The following TNFRSF21 variants were observed in gnomAD, a reference collection of about 807,000 sequenced individuals.
TNFRSF21 encodes tumor necrosis factor receptor superfamily member 21.
In TNFRSF21, 19 loss-of-function variants were observed where a neutral mutation model predicts 45.6. That is an observed-to-expected ratio of 0.42 (90% CI 0.29 to 0.61). TNFRSF21 has a LOEUF of 0.61. Among genes scored for constraint, TNFRSF21 ranks in the 20% least tolerant of loss-of-function variants. The pLI, the probability that TNFRSF21 is intolerant of heterozygous loss-of-function variation, is 0.23. For synonymous variants in TNFRSF21, 314 were observed against 335.5 expected (o/e 0.94, Z 0.70); for missense variants, 737 against 851.5 (o/e 0.87, Z 1.67).
chr6:47,250,670 A>T (rs533620036), intron 4 of TNFRSF21, among the ~76,000 whole-genome samples: 1 of 152,394 alleles, frequency 6.6e-6, no homozygotes, highest in Non-Finnish European at 1.5e-5. Context: ...CAAAGCCCCA[A>T]ATCCCCAGCA....
At chr6:47,278,754 T>C (rs1762530347) in intron 3 of TNFRSF21, among the ~76,000 whole-genome samples, 1 of 152,192 alleles carries the variant, frequency 6.6e-6, no homozygotes, top group African/African-American at 2.4e-5. Context: ...AATAAGACCT[T>C]TGCCCTTTTG....
chr6:47,235,799 AG>A (rs1187300323), intron 4 of TNFRSF21, among the ~76,000 whole-genome samples: 1 of 151,834 alleles, frequency 6.6e-6, no homozygotes, highest in Non-Finnish European at 1.5e-5. Flanking sequence ...AGTGGCTAGG[AG>A]GAGAGTAATG....
intron 4 of TNFRSF21, among the ~76,000 whole-genome samples, chr6:47,241,975 G>A (rs1412605916): frequency 2.0e-5 from 3 of 151,996 alleles, no homozygotes; most frequent in African/African-American, 7.3e-5. Context: ...GGACAGCGAG[G>A]GCCATCTGCT....
chr6:47,257,551 G>C (rs530425679), intron 3 of TNFRSF21, among the ~76,000 whole-genome samples: 1 of 152,304 alleles, frequency 6.6e-6, no homozygotes, highest in East Asian at 1.9e-4. Context: ...CCTTGTGTAG[G>C]AAAAAGTGTT....
chr6:47,261,676 T>A (rs572620350), intron 3 of TNFRSF21, among the ~76,000 whole-genome samples: 14 of 152,202 alleles, frequency 9.2e-5, no homozygotes, highest in Non-Finnish European at 1.5e-5. Context: ...CTCTTCCCAT[T>A]TAGAGTGATC....
At chr6:47,266,793 T>C (rs76861873) in intron 3 of TNFRSF21, among the ~76,000 whole-genome samples, 370 of 152,342 alleles carry the variant, frequency 2.4e-3, no homozygotes, top group African/African-American at 8.3e-3. Flanking sequence ...TTATAAATAT[T>C]TGAATCCAAG....
At chr6:47,303,428 C>T (rs2113871336) in intron 1 of TNFRSF21, among the ~76,000 whole-genome samples, 1 of 152,290 alleles carries the variant, frequency 6.6e-6, no homozygotes, top group East Asian at 1.9e-4. Flanking sequence ...CCCACACCTG[C>T]CTGAGGTCTC....
chr6:47,289,927 G>A (rs1478912733), intron 1 of TNFRSF21, among the ~76,000 whole-genome samples: 2 of 152,176 alleles, frequency 1.3e-5, no homozygotes, highest in Admixed American at 1.3e-4. Flanking sequence ...CTGGGAGGCG[G>A]AGGTTGCAGT....
At chr6:47,268,050 C>T (rs780647130) in intron 3 of TNFRSF21, among the ~76,000 whole-genome samples, 1 of 152,248 alleles carries the variant, frequency 6.6e-6, no homozygotes, top group African/African-American at 2.4e-5. Flanking sequence ...ACCTCCACTC[C>T]TCCTTCTCCA....
At chr6:47,304,616 T>TA (rs1410428539) in intron 1 of TNFRSF21, among the ~76,000 whole-genome samples, 1 of 151,580 alleles carries the variant, frequency 6.6e-6, no homozygotes, top group Non-Finnish European at 1.5e-5. Context: ...GTGCTTACTA[T>TA]ATCCTGCTTG....
intron 1 of TNFRSF21, among the ~76,000 whole-genome samples, chr6:47,306,946 G>A (rs998568301): frequency 5.3e-5 from 8 of 152,136 alleles, no homozygotes; most frequent in African/African-American, 9.7e-5. Context: ...CCTGATGTCC[G>A]TTATGTTCAC....
Position 47,232,874 on chromosome 6 carries a change from T to C in TNFRSF21, c.1859A>G (p.Gln620Arg), listed in dbSNP as rs952048969. 6.2e-7 allele frequency: 1 copy of C among 1,614,144 alleles called. No individual in the cohort carries two copies. Among genetic ancestry groups the C allele is most frequent in the Non-Finnish European group, 8.5e-7 (1 of 1,180,026 alleles). ...EELRVIEEIP[Q>R]AEDKLDRLFE... ...TAGCCGGTCTAGTTTGTCCTCAGCC[T>C]GGGGAATCTCTTCAATCACCCGCAG... Residue 620 changes from glutamine (Q) to arginine (R), a missense_variant, in exon 6 of 6, where the codon CAG becomes CGG. Coordinates refer to ENST00000296861, the MANE Select transcript of TNFRSF21 (RefSeq NM_014452.5).
intron 1 of TNFRSF21, among the ~76,000 whole-genome samples, chr6:47,306,895 A>G (rs1359397594): frequency 2.6e-5 from 4 of 152,218 alleles, no homozygotes; most frequent in African/African-American, 9.6e-5. Context: ...CTCCCCCAGT[A>G]GTGTTCTGAG....
In TNFRSF21 at chr6:47,253,464, T is replaced by C. The variant is rs1270613315; in HGVS notation, c.1301A>G (p.Tyr434Cys). The change falls in exon 4 of 6, where the codon TAT becomes TGT. Residue 434 changes from tyrosine (Y) to cysteine (C), a missense_variant. Coordinates refer to ENST00000296861, the MANE Select transcript of TNFRSF21 (RefSeq NM_014452.5). ...CTCACTGGCATTGCAAAGAAACTGATAGATATCTTTCCACTGGCTTCCCAC... is the reference window on the plus strand; with the variant it reads ...CTCACTGGCATTGCAAAGAAACTGACAGATATCTTTCCACTGGCTTCCCAC... ...AQVGSQWKDI[Y>C]QFLCNASERE... 1.9e-6 allele frequency: 3 copies of C among 1,613,984 alleles called. No homozygotes were observed. The highest frequency in any genetic ancestry group is 1.1e-5 in the South Asian group (1 of 91,082).
In TNFRSF21 at chr6:47,252,466, T is replaced by C. The variant is rs75508995; in HGVS notation, c.1509+790A>G. ...GAAGTACATACAATTAAAGAAAGGCTAAGTAAAATGAGTTACATCATGGTC... is the reference window on the plus strand; with the variant it reads ...GAAGTACATACAATTAAAGAAAGGCCAAGTAAAATGAGTTACATCATGGTC... On this transcript the variant is annotated intron_variant, in intron 4 of 5. Transcript: ENST00000296861. Among the ~76,000 whole-genome samples, 1,041 of 152,356 alleles carry C rather than the reference T, an allele frequency of 6.8e-3. 7 individuals carry two copies. The highest frequency in any genetic ancestry group is 0.011 in the Non-Finnish European group (780 of 68,020).
At chr6:47,275,354 G>C (rs1762482007) in intron 3 of TNFRSF21, among the ~76,000 whole-genome samples, 1 of 152,146 alleles carries the variant, frequency 6.6e-6, no homozygotes, top group Non-Finnish European at 1.5e-5. Flanking sequence ...GTCCTTTACA[G>C]GGACATGGAT....
At chr6:47,276,242 T>TG (rs975666735) in intron 3 of TNFRSF21, among the ~76,000 whole-genome samples, 1 of 152,114 alleles carries the variant, frequency 6.6e-6, no homozygotes, top group African/African-American at 2.4e-5. Context: ...ATACATAAGA[T>TG]GGAGTCTCCT....
At chr6:47,303,558 C>T (rs557721159) in intron 1 of TNFRSF21, among the ~76,000 whole-genome samples, 5 of 152,174 alleles carry the variant, frequency 3.3e-5, no homozygotes, top group Non-Finnish European at 7.3e-5. Flanking sequence ...CTACTGCTCA[C>T]TGATCTCACT....
rs771162111 is a variant in TNFRSF21, at chr6:47,284,452, G to T, written c.749-20C>A. 1.9e-5 allele frequency: 28 copies of T among 1,505,658 alleles called. No homozygotes were observed. The highest frequency in any genetic ancestry group is 2.0e-5 in the Non-Finnish European group (23 of 1,129,352). The allele number at this position is 1,505,658 out of a possible 1,614,324, so 93.3% of individuals were successfully genotyped here. The stretch of plus-strand genomic sequence containing the variant: ...TCATGCCTAGAAAAAAGAGTAAGGA[G>T]GGGGGAAGAGCTTTTCCATATTTGG... On this transcript the variant is annotated intron_variant, in intron 2 of 5. Transcript: ENST00000296861.
Sources: allele counts gnomAD v4.1 joint callset (sites outside exome capture counted in the v4.1 genomes callset), GRCh38; gene constraint gnomAD v4.1.1; transcripts MANE v1.5; gene names NCBI Gene and HGNC (gene_info 2026-07-23, HGNC 2026-07-21).